AHNAK: variants seen among roughly 807,000 people sequenced by gnomAD.
AHNAK encodes the protein AHNAK nucleoprotein.
AHNAK carries 23 observed loss-of-function variants against 37.8 expected under a neutral mutation model. That is an observed-to-expected ratio of 0.61 (90% confidence interval 0.44 to 0.86). The LOEUF (loss-of-function observed/expected upper bound fraction) is 0.86, where lower values mean the gene tolerates loss of function less well. Ranked by LOEUF, AHNAK falls within the 40% of genes least tolerant of loss-of-function variation. The pLI is 0.00. For synonymous variants in AHNAK, 2,481 were observed against 2,636.3 expected, an observed-to-expected ratio of 0.94 and a Z score of 1.80; for missense variants, 7,411 against 7,319.4, an observed-to-expected ratio of 1.01 and a Z score of -0.46.
At chr11:62,483,509 G>A (rs914620246) in intron 5 of AHNAK, among the ~76,000 whole-genome samples, 4 of 151,878 alleles carry the variant, frequency 2.6e-5, no homozygotes, top group Non-Finnish European at 5.9e-5. Flanking sequence ...GGCGGATCAC[G>A]AGGTCAGGAG....
chr11:62,519,610 T>C lies in AHNAK; in HGVS notation c.14807A>G (p.Lys4936Arg). ...GAGGTCCACTTCACCACCTTCTAAC[T>C]TCGGACCTGAAAATCCAATTTTTGG... is the stretch of plus-strand genomic sequence containing the variant. ...KAPKIGFSGPKLEGGEVDLKG... is the reference protein window; with the variant it reads ...KAPKIGFSGPRLEGGEVDLKG... The change falls in exon 5 of 5, where the codon AAG (lysine) becomes AGG (arginine). Residue 4936 changes from lysine (K) to arginine (R), a missense_variant. Physicochemically the swap from Lys to Arg is conservative, Grantham distance 26. Transcript: ENST00000378024. 1 of 1,613,754 alleles carries C rather than the reference T, an allele frequency of 6.2e-7. No individual in the cohort carries two copies. The highest frequency in any genetic ancestry group is 8.5e-7 in the Non-Finnish European group (1 of 1,179,906).
Position 62,529,967 on chromosome 11 carries a change from C to G in AHNAK, c.4450G>C (p.Asp1484His). The change falls in exon 5 of 5, where the codon GAT becomes CAT. Residue 1484 changes from aspartate to histidine, a missense_variant. Coordinates refer to ENST00000378024, the MANE Select transcript of AHNAK (RefSeq NM_001620.3). ...PKVEGEIKAPDVDIKGPKVDI... is the reference protein window; with the variant it reads ...PKVEGEIKAPHVDIKGPKVDI... ...ACTTTGGGGCCTTTGATGTCAACAT[C>G]AGGAGCTTTTATCTCTCCTTCTACT... The G allele has an allele frequency of 6.2e-7, 1 of 1,613,320 alleles. No individual in the cohort carries two copies. The highest frequency in any genetic ancestry group is 8.5e-7 in the Non-Finnish European group (1 of 1,179,844).
intron 5 of AHNAK, among the ~76,000 whole-genome samples, chr11:62,472,605 G>A (rs1264038381): frequency 6.6e-6 from 1 of 151,860 alleles, no homozygotes; most frequent in Admixed American, 6.6e-5. Context: ...CCCTGTGCCA[G>A]GACAGCACAG....
intron 5 of AHNAK, among the ~76,000 whole-genome samples, chr11:62,473,620 G>C (rs1939085699): frequency 6.6e-6 from 1 of 151,794 alleles, no homozygotes; most frequent in Non-Finnish European, 1.5e-5. Flanking sequence ...GGGAGGCAGA[G>C]CTTGCAGTGA....
At chr11:62,467,289 T>G (rs1183474783) in intron 5 of AHNAK, among the ~76,000 whole-genome samples, 1 of 151,822 alleles carries the variant, frequency 6.6e-6, no homozygotes, top group Non-Finnish European at 1.5e-5. Context: ...AGAAAACAAA[T>G]TCTACAATTC....
At chr11:62,493,301 A>T (rs1160892294) in intron 4 of AHNAK, among the ~76,000 whole-genome samples, 1 of 149,726 alleles carries the variant, frequency 6.7e-6, no homozygotes, top group South Asian at 2.1e-4. Flanking sequence ...AGTGTAAGAC[A>T]TCATGCTCGG....
chr11:62,537,803 C>T (rs201263044), intron 1 of AHNAK, among the ~76,000 whole-genome samples: 1 of 152,060 alleles, frequency 6.6e-6, no homozygotes, highest in Non-Finnish European at 1.5e-5. Flanking sequence ...CTGCCTCAGC[C>T]TCCCGAGTAG....
chr11:62,515,754 TC>T (rs1452492092), downstream of AHNAK: 1 of 419,798 alleles, frequency 2.4e-6, no homozygotes, highest in Non-Finnish European at 3.2e-6. Flanking sequence ...AAAGATTTTC[TC>T]CCACTACCTC....
In AHNAK at chr11:62,523,449, G is replaced by T. The variant is rs199514616; in HGVS notation, c.10968C>A (p.Gly3656=). ...TCATCTCAGGCATCTTGAACTTGGG[G>T]CCCTTCAGCTTTGCATCTGGACCTT... ...NIEGPDAKLK[G]PKFKMPEMNI... The change falls in exon 5 of 5, where the codon GGC becomes GGA. Residue 3656 remains glycine, a synonymous_variant. Transcript: ENST00000378024. 2.1e-5 allele frequency: 34 copies of T among 1,611,638 alleles called. No individual in the cohort carries two copies. In the African/African-American group the frequency reaches 4.0e-4, roughly 19 times the overall value.
At chr11:62,508,439 T>C (rs1327011544) in intron 4 of AHNAK, among the ~76,000 whole-genome samples, 3 of 152,184 alleles carry the variant, frequency 2.0e-5, no homozygotes, top group Admixed American at 6.5e-5. Context: ...GAGAACGCAG[T>C]GTGAGATCTC....
chr11:62,500,917 A>T (rs978195941), intron 4 of AHNAK, among the ~76,000 whole-genome samples: 1 of 152,190 alleles, frequency 6.6e-6, no homozygotes, highest in African/African-American at 2.4e-5. Context: ...ATACTGTATC[A>T]CATTAAAACA....
chr11:62,498,735 C>T (rs1336393534), intron 4 of AHNAK, among the ~76,000 whole-genome samples: 2 of 151,742 alleles, frequency 1.3e-5, no homozygotes, highest in Non-Finnish European at 2.9e-5. Context: ...TGTGATCATG[C>T]CAGTGCACTC....
At position 62,518,615 on chromosome 11, in the gene AHNAK, C is replaced by T. The variant is rs768263452; in HGVS notation, c.15802G>A (p.Gly5268Arg). Residue 5268 changes from glycine to arginine, a missense_variant, in exon 5 of 5, where the codon GGA becomes AGA. By Grantham distance (125) the Gly-to-Arg change is moderately radical. Coordinates refer to ENST00000378024, the MANE Select transcript of AHNAK (RefSeq NM_001620.3). The stretch of plus-strand genomic sequence containing the variant: ...GGCCCTTCGAGCTTAACATCTGGTC[C>T]TCTCAAGTCTCCTTCAAGAGAGGGT... ...QLPSLEGDLR[G>R]PDVKLEGPDV... 1.9e-6 allele frequency: 3 copies of T among 1,614,192 alleles called. No individual in the cohort carries two copies. The highest frequency in any genetic ancestry group is 2.5e-6 in the Non-Finnish European group (3 of 1,180,036).
chr11:62,516,825 G>A lies in AHNAK; in HGVS notation c.17592C>T (p.Ser5864=). 1 of 1,614,194 alleles carries A rather than the reference G, an allele frequency of 6.2e-7. No homozygotes were observed. The highest frequency in any genetic ancestry group is 8.5e-7 in the Non-Finnish European group (1 of 1,180,038). ...SLASKKSRLS[S]SSSNDSGNKV... is the part of the protein sequence containing the mutation. ...TATTCCCACTGTCATTGCTAGAAGA[G>A]GAGGACAGTCGGGACTTCTTAGAGG... Residue 5864 remains serine, a synonymous_variant, in exon 5 of 5, where the codon TCC becomes TCT. Coordinates refer to ENST00000378024, the MANE Select transcript of AHNAK (RefSeq NM_001620.3).
chr11:62,544,366 C>T (rs1168817842), intron 1 of AHNAK, among the ~76,000 whole-genome samples: 5 of 152,124 alleles, frequency 3.3e-5, no homozygotes, highest in African/African-American at 1.2e-4. Flanking sequence ...ACCCCTGAAT[C>T]GCTGCTGTGG....
intron 1 of AHNAK, among the ~76,000 whole-genome samples, chr11:62,539,932 G>T (rs1441381222): frequency 6.6e-6 from 1 of 152,248 alleles, no homozygotes; most frequent in African/African-American, 2.4e-5. Context: ...TGAAGGAGGG[G>T]CGTGGGATAC....
chr11:62,493,336 T>C (rs112759130), intron 4 of AHNAK, among the ~76,000 whole-genome samples: 1,608 of 115,078 alleles, frequency 0.014, 18 homozygotes, highest in Non-Finnish European at 0.018. Flanking sequence ...TTCTTTCTTT[T>C]TTTTTTTTTT....
rs139354282 is a variant in AHNAK at position 62,480,827 on chromosome 11, A to AAAG, written c.442+10904_442+10905insCTT. Among the ~76,000 whole-genome samples the AAAG allele has an allele frequency of 1.9e-3, 226 of 120,886 alleles. 11 individuals are homozygous for AAAG. Among genetic ancestry groups the AAAG allele is most frequent in the Non-Finnish European group, 2.3e-3 (135 of 57,862 alleles). 79.3% of individuals were successfully genotyped at this position (120,886 alleles called of 152,430 possible). A position where few individuals can be genotyped will look rare whatever the true frequency, so the allele number is the denominator to read the frequency against. ...TTAAAAAAAAAAAAAAAAAAAAAAA[A>AAAG]CCTGGATTTGCTGCCTTCTGGTCTG... On this transcript the variant is annotated intron_variant, in intron 5 of 5. Transcript: ENST00000257247.
chr11:62,433,734 G>T, exon 6 of AHNAK: 2 of 1,123,676 alleles, frequency 1.8e-6, no homozygotes, highest in Non-Finnish European at 1.3e-6. Context: ...TGCATGCTCC[G>T]AAAAGCCGCC....
Sources: gnomAD v4.1 joint callset for allele counts (sites outside exome capture counted in the v4.1 genomes callset) on GRCh38, gnomAD v4.1.1 for gene constraint, MANE v1.5 for transcripts, NCBI Gene and HGNC (gene_info 2026-07-23, HGNC 2026-07-21) for gene names.